The following TCAIM variants were observed in gnomAD, a reference collection of about 807,000 sequenced individuals.
TCAIM encodes T cell activation inhibitor, mitochondrial.
In TCAIM, 36 loss-of-function variants were observed where a neutral mutation model predicts 58.6. That is an observed-to-expected ratio of 0.61 (90% CI 0.47 to 0.81). The LOEUF (loss-of-function observed/expected upper bound fraction) is 0.81, where lower values mean the gene tolerates loss of function less well. Among genes scored for constraint, TCAIM ranks in the 30% least tolerant of loss-of-function variants. The pLI, the probability that TCAIM is intolerant of heterozygous loss-of-function variation, is 0.00. For synonymous variants in TCAIM, 172 were observed against 193.6 expected, an observed-to-expected ratio of 0.89 and a Z score of 0.93; for missense variants, 466 against 579.6, an observed-to-expected ratio of 0.80 and a Z score of 2.01.
intron 5 of TCAIM, among the ~76,000 whole-genome samples, chr3:44,392,318 T>C (rs1701850859): frequency 6.6e-6 from 1 of 152,196 alleles, no homozygotes; most frequent in South Asian, 2.1e-4. Context: ...TGTCCTTTTT[T>C]TCTGAGTACA....
intron 1 of TCAIM, among the ~76,000 whole-genome samples, chr3:44,344,008 T>G (rs1017017511): frequency 8.1e-5 from 12 of 147,896 alleles, no homozygotes; most frequent in Non-Finnish European, 1.5e-4. Context: ...GCTTTGATTA[T>G]TTTTGATGGA....
chr3:44,363,290 A>G (rs967949006), intron 4 of TCAIM, among the ~76,000 whole-genome samples: 3 of 152,192 alleles, frequency 2.0e-5, no homozygotes, highest in African/African-American at 7.2e-5. Context: ...CACATTATCT[A>G]TTAATTCTTC....
At chr3:44,392,212 A>T (rs1297934695) in intron 5 of TCAIM, among the ~76,000 whole-genome samples, 1 of 152,248 alleles carries the variant, frequency 6.6e-6, no homozygotes, top group Non-Finnish European at 1.5e-5. Context: ...CAAGCAACTT[A>T]TTTTAAAAGT....
At chr3:44,396,369 G>C in intron 6 of TCAIM, 31 bp from the exon 7 acceptor site, 3 of 1,589,352 alleles carry the variant, frequency 1.9e-6, no homozygotes, top group Non-Finnish European at 2.6e-6. Flanking sequence ...GGTGCCACTT[G>C]TTAACATGAG....
At chr3:44,398,308 T>C (rs1701967368) in intron 8 of TCAIM, among the ~76,000 whole-genome samples, 1 of 152,018 alleles carries the variant, frequency 6.6e-6, no homozygotes, top group Non-Finnish European at 1.5e-5. Context: ...CAGGCGCCTA[T>C]AGTCCCAGCT....
chr3:44,347,505 A>T (rs112393829), intron 1 of TCAIM, among the ~76,000 whole-genome samples: 1 of 152,086 alleles, frequency 6.6e-6, no homozygotes, highest in African/African-American at 2.4e-5. Context: ...TGGAAAAAGC[A>T]TGTTTTGAGA....
intron 1 of TCAIM, among the ~76,000 whole-genome samples, chr3:44,344,089 T>C (rs1700913618): frequency 6.7e-6 from 1 of 148,920 alleles, no homozygotes; most frequent in African/African-American, 2.5e-5. Context: ...TGGTGCAATC[T>C]CAGCTCACTG....
chr3:44,360,345 C>T, intron 3 of TCAIM, among the ~76,000 whole-genome samples: 1 of 152,108 alleles, frequency 6.6e-6, no homozygotes, highest in Non-Finnish European at 1.5e-5. Context: ...AGAGAACACC[C>T]TTGCCCCTTT....
chr3:44,374,408 G>A (rs1214993773), intron 5 of TCAIM, among the ~76,000 whole-genome samples: 1 of 151,602 alleles, frequency 6.6e-6, no homozygotes, highest in Non-Finnish European at 1.5e-5. Context: ...GTGTGTATAT[G>A]CTGGTTCACT....
chr3:44,344,677 A>G (rs1000518961), intron 1 of TCAIM, among the ~76,000 whole-genome samples: 1 of 152,130 alleles, frequency 6.6e-6, no homozygotes, highest in Non-Finnish European at 1.5e-5. Flanking sequence ...CGTCCGTGTG[A>G]AGAGACCACC....
chr3:44,408,908 G>A lies in TCAIM; in HGVS notation c.*1226G>A, dbSNP rs1366416235. ...GGATTCAGTGCTTTTAGCTCTTCGAGTTTACCCTAAGATACCTTCGGGCAA... is the reference window on the plus strand; with the variant it reads ...GGATTCAGTGCTTTTAGCTCTTCGAATTTACCCTAAGATACCTTCGGGCAA... On this transcript the variant is annotated 3_prime_UTR_variant, in exon 11 of 11. Coordinates refer to ENST00000342649, the MANE Select transcript of TCAIM (RefSeq NM_173826.4). 6.6e-6 allele frequency: 1 copy of A among 152,120 alleles called. No individual in the cohort carries two copies. The highest frequency in any genetic ancestry group is 2.4e-5 in the African/African-American group (1 of 41,402). 9.4% of individuals were successfully genotyped at this position (152,120 alleles called of 1,614,324 possible). A position where few individuals can be genotyped will look rare whatever the true frequency, so the allele number is the denominator to read the frequency against.
intron 5 of TCAIM, among the ~76,000 whole-genome samples, chr3:44,388,972 AGCCAGG>A (rs1701787771): frequency 6.6e-6 from 1 of 152,220 alleles, no homozygotes; most frequent in African/African-American, 2.4e-5. Flanking sequence ...CAGTGGCCAG[AGCCAGG>A]AAACATGTAT....
chr3:44,359,480 T>G (rs1469683602), intron 3 of TCAIM: 2 of 152,268 alleles, frequency 1.3e-5, no homozygotes, highest in Non-Finnish European at 2.9e-5. Context: ...TGGGCTGCAC[T>G]GTATTAATTT....
intron 1 of TCAIM, among the ~76,000 whole-genome samples, chr3:44,342,806 C>G (rs1299338039): frequency 6.6e-6 from 1 of 151,584 alleles, no homozygotes; most frequent in African/African-American, 2.4e-5. Flanking sequence ...AGTCTTTCCC[C>G]TATTGACCAA....
chr3:44,404,980 G>A (rs1359219848), intron 10 of TCAIM, among the ~76,000 whole-genome samples: 1 of 151,960 alleles, frequency 6.6e-6, no homozygotes, highest in South Asian at 2.1e-4. Context: ...TAGAAAAAGG[G>A]AAAAAACCCA....
intron 1 of TCAIM, among the ~76,000 whole-genome samples, chr3:44,349,315 A>C (rs557983333): frequency 5.3e-5 from 8 of 152,328 alleles, no homozygotes; most frequent in Admixed American, 5.2e-4. Flanking sequence ...ATCTTGTAGG[A>C]TGGATAAATT....
chr3:44,372,032 A>AGGAG (rs1246995634), intron 5 of TCAIM, among the ~76,000 whole-genome samples: 1 of 144,128 alleles, frequency 6.9e-6, no homozygotes, highest in Non-Finnish European at 1.5e-5. Flanking sequence ...GAAGGAAGGA[A>AGGAG]GGAAGGAAGG....
At chr3:44,399,841 C>G (rs1014722320) in intron 8 of TCAIM, among the ~76,000 whole-genome samples, 5 of 152,138 alleles carry the variant, frequency 3.3e-5, no homozygotes, top group Non-Finnish European at 5.9e-5. Flanking sequence ...AACTGTGAGT[C>G]CCAGCCAAAC....
chr3:44,392,718 A>G (rs1701857943), intron 5 of TCAIM, 137 bp from the exon 6 acceptor site: 3 of 734,908 alleles, frequency 4.1e-6, no homozygotes, highest in East Asian at 2.8e-5. Context: ...TCTTTACCCA[A>G]TCTGTCATTG....
Sources: gnomAD v4.1 joint callset for allele counts (sites outside exome capture counted in the v4.1 genomes callset) on GRCh38, gnomAD v4.1.1 for gene constraint, MANE v1.5 for transcripts, NCBI Gene and HGNC (gene_info 2026-07-23, HGNC 2026-07-21) for gene names.